Variants in SMOC2 observed in about 807,000 individuals in gnomAD.
SMOC2 encodes SPARC-related modular calcium-binding protein 2.
In SMOC2, 39 loss-of-function variants were observed where a neutral mutation model predicts 61.4. The observed-to-expected ratio is 0.64, with a 90% CI of 0.49 to 0.83. SMOC2 has a LOEUF of 0.83. SMOC2 is among the 40% of genes least tolerant of loss of function. The pLI is 0.00. For missense variants in SMOC2, 556 were observed against 592.9 expected (o/e 0.94, Z 0.65); for synonymous variants, 247 against 239.9 (o/e 1.03, Z -0.27).
chr6:168,631,588 C>T (rs114006835), intron 9 of SMOC2, among the ~76,000 whole-genome samples: 1 of 152,192 alleles, frequency 6.6e-6, no homozygotes, highest in African/African-American at 2.4e-5. Flanking sequence ...ATAAAACTAA[C>T]AGTACGTGCT....
chr6:168,534,301 G>T (rs1199900707), intron 4 of SMOC2, among the ~76,000 whole-genome samples: 2 of 152,162 alleles, frequency 1.3e-5, no homozygotes, highest in African/African-American at 4.8e-5. Flanking sequence ...ATTGAATTCT[G>T]AAAGTGTTCA....
chr6:168,536,028 A>C (rs1385864354), intron 4 of SMOC2, among the ~76,000 whole-genome samples: 2 of 152,086 alleles, frequency 1.3e-5, no homozygotes, highest in African/African-American at 2.4e-5. Context: ...TGCCAACCTC[A>C]CTCGGAGGGC....
intron 7 of SMOC2, among the ~76,000 whole-genome samples, chr6:168,563,112 C>T (rs754870799): frequency 4.6e-5 from 7 of 152,214 alleles, no homozygotes; most frequent in Non-Finnish European, 7.3e-5. Flanking sequence ...ACAGACTCAG[C>T]CTCTGCTGCC....
At chr6:168,612,319 G>C (rs112203385) in intron 9 of SMOC2, among the ~76,000 whole-genome samples, 2 of 128,338 alleles carry the variant, frequency 1.6e-5, no homozygotes, top group Non-Finnish European at 3.4e-5. Context: ...AGCAGCGCTG[G>C]GTTCGTGATC....
chr6:168,667,426 C>A lies in SMOC2; in HGVS notation c.*988C>A, dbSNP rs568594800. 6.6e-6 allele frequency: 1 copy of A among 152,084 alleles called. No homozygotes were observed. Among genetic ancestry groups the A allele is most frequent in the Non-Finnish European group, 1.5e-5 (1 of 68,026 alleles). 9.4% of individuals were successfully genotyped at this position (152,084 alleles called of 1,614,324 possible). The stretch of plus-strand genomic sequence containing the variant: ...TGCCCCCGGGGCTGGTGTTGGCAGC[C>A]GGGGGGAGGTGCCTGAGGGTCCCCA... On this transcript the variant is annotated 3_prime_UTR_variant, in exon 13 of 13. Coordinates refer to ENST00000356284, the MANE Select transcript of SMOC2 (RefSeq NM_001166412.2).
intron 9 of SMOC2, among the ~76,000 whole-genome samples, chr6:168,619,289 G>A (rs1583165659): frequency 6.6e-6 from 1 of 152,194 alleles, no homozygotes. Context: ...TGAAAGTTAT[G>A]ATTATGCAGA....
rs1345752142 is a variant in SMOC2, at chr6:168,535,858, G to A, written c.464-7767G>A. Among the ~76,000 whole-genome samples, 1 of 151,782 alleles carries A rather than the reference G, an allele frequency of 6.6e-6. No homozygotes were observed. Among genetic ancestry groups the A allele is most frequent in the African/African-American group, 2.4e-5 (1 of 41,272 alleles). Reference sequence around the variant, plus strand: ...TGAGGAATAACGCAGCAGTGATGCAGCTTCACGGCACAGGGGCGCCGCCGG... The same window carrying A: ...TGAGGAATAACGCAGCAGTGATGCAACTTCACGGCACAGGGGCGCCGCCGG... On this transcript the variant is annotated intron_variant, in intron 4 of 12. Coordinates refer to ENST00000356284, the MANE Select transcript of SMOC2 (RefSeq NM_001166412.2). This position sits in a 1 kb window ranked among gnomAD's most constrained non-coding sequence, Gnocchi z 4.6.
chr6:168,478,168 A>G (rs755214020), intron 1 of SMOC2, among the ~76,000 whole-genome samples: 3 of 152,158 alleles, frequency 2.0e-5, no homozygotes, highest in Admixed American at 6.5e-5. Flanking sequence ...AGGGTGATGT[A>G]CAAGAGTCCT....
At chr6:168,563,671 C>A (rs1210061839) in intron 7 of SMOC2, among the ~76,000 whole-genome samples, 2 of 152,148 alleles carry the variant, frequency 1.3e-5, no homozygotes, top group Non-Finnish European at 2.9e-5. Context: ...CTTGCCCCTC[C>A]TGCCACATGA....
intron 8 of SMOC2, among the ~76,000 whole-genome samples, chr6:168,599,630 A>C (rs866762773): frequency 5.5e-4 from 11 of 19,886 alleles, no homozygotes; most frequent in Admixed American, 1.6e-3. Context: ...CATACCACAC[A>C]CACCCACACC....
At chr6:168,637,902 G>A (rs544619074) in intron 9 of SMOC2, among the ~76,000 whole-genome samples, 4 of 151,834 alleles carry the variant, frequency 2.6e-5, no homozygotes, top group East Asian at 3.9e-4. Context: ...TTCCCAGGGC[G>A]TGCTGTATGC....
chr6:168,465,029 G>T (rs997284942), intron 1 of SMOC2, among the ~76,000 whole-genome samples: 1 of 151,978 alleles, frequency 6.6e-6, no homozygotes, highest in Admixed American at 6.6e-5. Flanking sequence ...TTACGTCCAG[G>T]AGCGGCCCCA....
intron 1 of SMOC2, among the ~76,000 whole-genome samples, chr6:168,482,741 G>C (rs763677996): frequency 9.2e-5 from 14 of 152,052 alleles, no homozygotes; most frequent in Non-Finnish European, 1.8e-4. Context: ...ATGCAAGGAT[G>C]AATCAATATG....
intron 9 of SMOC2, among the ~76,000 whole-genome samples, chr6:168,617,496 C>T (rs13214402): frequency 0.17 from 26,450 of 152,052 alleles, 2,457 homozygotes; most frequent in Middle Eastern, 0.3. Flanking sequence ...ATAGTTTCTC[C>T]CATGACCTTT....
At chr6:168,546,967 A>G in intron 5 of SMOC2, 152 bp from the exon 6 acceptor site, 1 of 851,868 alleles carries the variant, frequency 1.2e-6, no homozygotes, top group Non-Finnish European at 2.0e-6. Flanking sequence ...CCGCAGCTGC[A>G]GGCAGCATCG....
At chr6:168,570,802 G>T (rs1338354164) in intron 7 of SMOC2, among the ~76,000 whole-genome samples, 2 of 152,180 alleles carry the variant, frequency 1.3e-5, no homozygotes, top group African/African-American at 4.8e-5. Flanking sequence ...GGATGGAAAA[G>T]GTAGATGTCT....
chr6:168,528,121 A>G (rs1268437357), intron 4 of SMOC2, among the ~76,000 whole-genome samples: 2 of 152,248 alleles, frequency 1.3e-5, no homozygotes, highest in East Asian at 1.9e-4. Flanking sequence ...TTGTATGCAT[A>G]TGTTTTCAAA....
Position 168,535,786 on chromosome 6 carries a change from A to G in SMOC2, c.464-7839A>G, listed in dbSNP as rs1370435884. The stretch of plus-strand genomic sequence containing the variant: ...GGAGAGAGGCAGCGCCGCCGGGGGA[A>G]GATGGGAGGGAGACCAATGCGCAGT... On this transcript the variant is annotated intron_variant, in intron 4 of 12. Coordinates refer to ENST00000356284, the MANE Select transcript of SMOC2 (RefSeq NM_001166412.2). The surrounding 1 kb of genome is among the most constrained non-coding windows in gnomAD (Gnocchi z 4.6). Among the ~76,000 whole-genome samples the G allele has an allele frequency of 6.6e-6, 1 of 152,198 alleles. No homozygotes were observed. Among genetic ancestry groups the G allele is most frequent in the Admixed American group, 6.5e-5 (1 of 15,278 alleles).
intron 1 of SMOC2, among the ~76,000 whole-genome samples, chr6:168,456,009 C>G (rs1781575806): frequency 2.0e-5 from 3 of 151,928 alleles, no homozygotes; most frequent in Admixed American, 2.0e-4. Flanking sequence ...GGAGATGCCC[C>G]CAGCCCAGCC....
Sources: allele counts gnomAD v4.1 joint callset (sites outside exome capture counted in the v4.1 genomes callset), GRCh38; gene constraint gnomAD v4.1.1; non-coding constraint Gnocchi (gnomAD v3.1); transcripts MANE v1.5; gene names NCBI Gene and HGNC (gene_info 2026-07-23, HGNC 2026-07-21).